The following UNC5C variants were observed in gnomAD, a reference collection of about 807,000 sequenced individuals.
UNC5C encodes the protein unc-5 netrin receptor C, also known as netrin receptor UNC5C.
UNC5C carries 47 observed loss-of-function variants against 99.8 expected under a neutral mutation model. The observed-to-expected ratio is 0.47, with a 90% CI of 0.37 to 0.60. The LOEUF (loss-of-function observed/expected upper bound fraction) is 0.60, where lower values mean the gene tolerates loss of function less well. Ranked by LOEUF, UNC5C falls within the 20% of genes least tolerant of loss-of-function variation. UNC5C has a pLI of 0.00. For synonymous variants in UNC5C, 487 were observed against 452.2 expected, an observed-to-expected ratio of 1.08 and a Z score of -0.98; for missense variants, 1,062 against 1,165.9, an observed-to-expected ratio of 0.91 and a Z score of 1.30.
chr4:95,246,300 T>C (rs1223781209), intron 5 of UNC5C, among the ~76,000 whole-genome samples: 1 of 152,054 alleles, frequency 6.6e-6, no homozygotes. Flanking sequence ...CTCATGCTTG[T>C]AACCCAAGCA....
At chr4:95,268,986 C>A (rs771262066) in intron 4 of UNC5C, among the ~76,000 whole-genome samples, 1 of 152,212 alleles carries the variant, frequency 6.6e-6, no homozygotes, top group African/African-American at 2.4e-5. Flanking sequence ...CCAAGCCAAG[C>A]TTCTCCAAGG....
intron 1 of UNC5C, among the ~76,000 whole-genome samples, chr4:95,386,721 A>G (rs1283040724): frequency 1.3e-5 from 2 of 152,146 alleles, no homozygotes; most frequent in Non-Finnish European, 2.9e-5. Flanking sequence ...AGCAGGAGAC[A>G]CCATGGCCAT....
intron 1 of UNC5C, among the ~76,000 whole-genome samples, chr4:95,403,933 GCCT>G (rs1745766880): frequency 6.6e-6 from 1 of 152,186 alleles, no homozygotes; most frequent in Non-Finnish European, 1.5e-5. Context: ...AAACTACTTA[GCCT>G]CCTGTGTGGT....
Position 95,278,152 on chromosome 4 carries a change from C to T in UNC5C, c.594+107G>A. On this transcript the variant is annotated intron_variant, in intron 4 of 15. Transcript: ENST00000453304. ...AGGCAGTTAGGACTCTATTACCAAC[C>T]ATTCATCATGCCATACCCTAATTCA... 4.4e-6 allele frequency: 4 copies of T among 903,090 alleles called. No individual in the cohort carries two copies. The South Asian group carries it at 5.9e-5, about 13-fold the overall frequency. 55.9% of individuals were successfully genotyped at this position (903,090 alleles called of 1,614,324 possible). A position where few individuals can be genotyped will look rare whatever the true frequency, so the allele number is the denominator to read the frequency against.
rs944312485 is a variant in UNC5C at position 95,172,963 on chromosome 4, G to A, written c.2452-2631C>T. 2.6e-4 allele frequency among the ~76,000 whole-genome samples: 40 copies of A among 151,276 alleles called. 1 individual carries two copies. The highest frequency in any genetic ancestry group is 7.9e-4 in the African/African-American group (32 of 40,630). The stretch of plus-strand genomic sequence containing the variant: ...CTTGAAGAGGTCCTTCATGTCCCTC[G>A]TAAGTTGGATTCCTAAGTATTTTAT... On this transcript the variant is annotated intron_variant, in intron 14 of 15. Transcript: ENST00000453304.
chr4:95,374,583 C>T (rs1322803629), intron 1 of UNC5C, among the ~76,000 whole-genome samples: 2 of 152,026 alleles, frequency 1.3e-5, no homozygotes, highest in African/African-American at 2.4e-5. Flanking sequence ...TCCATGCAGA[C>T]CCTGGAAAGC....
At position 95,288,063 on chromosome 4, in the gene UNC5C, A is replaced by ATTTATTTATTTAT. The variant is rs1553960806; in HGVS notation, c.491-9702_491-9701insATAAATAAATAAA. On this transcript the variant is annotated intron_variant, in intron 3 of 15. Coordinates refer to ENST00000453304, the MANE Select transcript of UNC5C (RefSeq NM_003728.4). The stretch of plus-strand genomic sequence containing the variant: ...ATAGTCCAACCCCCTCACTTTACAG[A>ATTTATTTATTTAT]TTATTTATTTATTTATTTATTTATT... 2.1e-5 allele frequency among the ~76,000 whole-genome samples: 3 copies of ATTTATTTATTTAT among 143,240 alleles called. No individual in the cohort carries two copies. The South Asian group carries it at 6.9e-4, about 33-fold the overall frequency. The allele number at this position is 143,240 out of a possible 152,430, so 94.0% of individuals were successfully genotyped here. A position where few individuals can be genotyped will look rare whatever the true frequency, so the allele number is the denominator to read the frequency against.
intron 4 of UNC5C, among the ~76,000 whole-genome samples, chr4:95,271,598 C>A (rs945896719): frequency 6.6e-6 from 1 of 152,238 alleles, no homozygotes; most frequent in South Asian, 2.1e-4. Flanking sequence ...GTCTGCTGAA[C>A]TTCCACATGG....
At chr4:95,331,456 T>TTTTGA (rs1282821756) in intron 2 of UNC5C, among the ~76,000 whole-genome samples, 1 of 152,148 alleles carries the variant, frequency 6.6e-6, no homozygotes, top group Non-Finnish European at 1.5e-5. Flanking sequence ...ACTTTAAAGG[T>TTTTGA]AATACCTACA....
intron 1 of UNC5C, among the ~76,000 whole-genome samples, chr4:95,529,228 TA>T (rs1722575708): frequency 6.7e-6 from 1 of 150,240 alleles, no homozygotes; most frequent in Admixed American, 6.7e-5. Context: ...TTTCCTCCAT[TA>T]AAAAAACTAA....
intron 2 of UNC5C, among the ~76,000 whole-genome samples, chr4:95,328,436 G>A (rs1253895053): frequency 1.6e-5 from 2 of 126,742 alleles, no homozygotes; most frequent in African/African-American, 5.4e-5. Flanking sequence ...TGGTGTATAT[G>A]TGCCACATTT....
rs146123204 is a variant in UNC5C, at chr4:95,206,648, C to T, written c.1882G>A (p.Ala628Thr). The change falls in exon 11 of 16, where the codon GCA becomes ACA. Residue 628 changes from alanine (A) to threonine (T), a missense_variant. Transcript: ENST00000453304. The part of the protein sequence containing the change: ...EDWKILLKNQ[A>T]AQGQWEDVVV... ...CTCACCTCCCACTGTCCCTGTGCTGCCTGGTTCTTGAGCAGTATTTTCCAG... is the reference window on the plus strand; with the variant it reads ...CTCACCTCCCACTGTCCCTGTGCTGTCTGGTTCTTGAGCAGTATTTTCCAG... The T allele has an allele frequency of 2.1e-3, 3,427 of 1,614,106 alleles. 9 individuals are homozygous for T. The highest frequency in any genetic ancestry group is 2.5e-3 in the Non-Finnish European group (2,971 of 1,180,004).
intron 1 of UNC5C, among the ~76,000 whole-genome samples, chr4:95,532,470 G>A (rs919022607): frequency 4.3e-5 from 6 of 140,674 alleles, no homozygotes; most frequent in Non-Finnish European, 9.1e-5. Context: ...AAAAAATCCC[G>A]ATTACATTCT....
At chr4:95,251,187 G>A (rs35351957) in intron 4 of UNC5C, among the ~76,000 whole-genome samples, 52,662 of 152,068 alleles carry the variant, frequency 0.35, 9,490 homozygotes, top group East Asian at 0.59. Context: ...CATTTGGATG[G>A]TTTACGTGTA....
At chr4:95,220,974 T>C (rs1338071494) in intron 7 of UNC5C, among the ~76,000 whole-genome samples, 3 of 152,170 alleles carry the variant, frequency 2.0e-5, no homozygotes, top group Admixed American at 6.5e-5. Context: ...GATCAGAAAG[T>C]TCAGACTACC....
intron 3 of UNC5C, among the ~76,000 whole-genome samples, chr4:95,284,232 T>A (rs761402831): frequency 2.6e-5 from 4 of 152,200 alleles, no homozygotes; most frequent in Non-Finnish European, 4.4e-5. Context: ...AAAAATGCAG[T>A]TAGCAGAAAA....
rs1184547275 is a variant in UNC5C, at chr4:95,534,545, G to A, written c.124+14189C>T. On this transcript the variant is annotated intron_variant, in intron 1 of 15. Coordinates refer to ENST00000453304, the MANE Select transcript of UNC5C (RefSeq NM_003728.4). ...TTTTCAAAATAAAGTTGTTACTTAA[G>A]CAACAGTACACTTTCATTTTACAAA... Among the ~76,000 whole-genome samples, 9 of 151,902 alleles carry A rather than the reference G, an allele frequency of 5.9e-5. 1 individual carries two copies. The highest frequency in any genetic ancestry group is 5.9e-4 in the Admixed American group (9 of 15,248).
At chr4:95,536,082 A>ATATTTT (rs1180330785) in intron 1 of UNC5C, among the ~76,000 whole-genome samples, 2 of 78,442 alleles carry the variant, frequency 2.5e-5, no homozygotes, top group African/African-American at 8.1e-5. Context: ...ATATATATAT[A>ATATTTT]TTTTTTTTTT....
intron 1 of UNC5C, among the ~76,000 whole-genome samples, chr4:95,404,825 A>T (rs1745790823): frequency 1.3e-5 from 2 of 152,218 alleles, no homozygotes; most frequent in South Asian, 4.1e-4. Flanking sequence ...GCAGAGCAGC[A>T]AGCCAGCAGA....
Sources: allele counts gnomAD v4.1 joint callset (sites outside exome capture counted in the v4.1 genomes callset), GRCh38; gene constraint gnomAD v4.1.1; transcripts MANE v1.5; gene names NCBI Gene and HGNC (gene_info 2026-07-23, HGNC 2026-07-21).